Variants in BTD observed in about 807,000 individuals in gnomAD.
BTD encodes the protein biocytinase.
In BTD, 13 loss-of-function variants were observed where a neutral mutation model predicts 17.7. That is an observed-to-expected ratio of 0.74 (90% CI 0.48 to 1.17). The LOEUF (loss-of-function observed/expected upper bound fraction) is 1.17. Among genes scored for constraint, BTD ranks in the 50% most tolerant of loss-of-function variants. The probability of loss-of-function intolerance (pLI) is 0.00; values close to 1 mark genes in which losing one functional copy is unlikely to be tolerated. For missense variants in BTD, 674 were observed against 650.4 expected, an observed-to-expected ratio of 1.04 and a Z score of -0.39; for synonymous variants, 240 against 245.2, an observed-to-expected ratio of 0.98 and a Z score of 0.20.
chr3:15,702,341 T>C (rs1255612102), intron 3 of BTD, among the ~76,000 whole-genome samples: 2 of 152,136 alleles, frequency 1.3e-5, no homozygotes, highest in Non-Finnish European at 2.9e-5. Context: ...AATGTGAACT[T>C]CATTAGAGGG....
In BTD at chr3:15,646,748, T is replaced by A. The variant is rs900969469; in HGVS notation, c.*1260T>A. 1 of 152,230 alleles carries A rather than the reference T, an allele frequency of 6.6e-6. No individual in the cohort carries two copies. The highest frequency in any genetic ancestry group is 1.5e-5 in the Non-Finnish European group (1 of 68,036). The allele number at this position is 152,230 out of a possible 1,614,324, so 9.4% of individuals were successfully genotyped here. ...CATTTAGTTTGAACTCCTTTTTAGT[T>A]ATTTTAAACAGTATATGCTTAAACA... On this transcript the variant is annotated 3_prime_UTR_variant, in exon 4 of 4. Transcript: ENST00000643237.
Position 15,635,697 on chromosome 3 carries a change from G to T in BTD, c.249+9G>T. The T allele has an allele frequency of 6.2e-7, 1 of 1,614,008 alleles. No individual in the cohort carries two copies. Among genetic ancestry groups the T allele is most frequent in the Non-Finnish European group, 8.5e-7 (1 of 1,179,950 alleles). On this transcript the variant is annotated intron_variant, in intron 2 of 3. Coordinates refer to ENST00000643237, the MANE Select transcript of BTD (RefSeq NM_001370658.1). The surrounding 1 kb of genome is among the most constrained non-coding windows in gnomAD (Gnocchi z 4.1). The stretch of plus-strand genomic sequence containing the variant: ...TGACTGCAGCCCAAAAGGCAAGAAT[G>T]CTCCTCGGAACCTGAGTTTCTCTCA...
rs1479751558 is a variant in BTD, at chr3:15,651,812, C to T, written c.*6324C>T. Reference sequence around the variant, plus strand: ...GGCATGGTTCTTCCAGAACATTCTGCAAGCTCATGGACCAGTTCATTTGAG... The same window carrying T: ...GGCATGGTTCTTCCAGAACATTCTGTAAGCTCATGGACCAGTTCATTTGAG... On this transcript the variant is annotated 3_prime_UTR_variant, in exon 4 of 4. Coordinates refer to ENST00000643237, the MANE Select transcript of BTD (RefSeq NM_001370658.1). Among the ~76,000 whole-genome samples, 1 of 152,148 alleles carries T rather than the reference C, an allele frequency of 6.6e-6. No homozygotes were observed. The highest frequency in any genetic ancestry group is 1.5e-5 in the Non-Finnish European group (1 of 68,026).
intron 3 of BTD, among the ~76,000 whole-genome samples, chr3:15,705,668 T>C (rs1390967716): frequency 6.6e-6 from 1 of 152,224 alleles, no homozygotes; most frequent in Non-Finnish European, 1.5e-5. Flanking sequence ...ACATACTTTA[T>C]ATTCTTGCAA....
intron 1 of BTD, chr3:15,630,089 C>G (rs2065168545): frequency 3.0e-6 from 3 of 985,278 alleles, no homozygotes; most frequent in Non-Finnish European, 3.6e-6. Context: ...GAAATTGCAA[C>G]AAATTCAAAA....
chr3:15,608,552 G>A lies in BTD; in HGVS notation c.-17+6658G>A, dbSNP rs536346602. On this transcript the variant is annotated intron_variant, in intron 1 of 3. Transcript: ENST00000643237. ...GGAGGCCAAGGCAGGCGGATCACGA[G>A]GTCAGTAGATTGACACCATCCTGGC... is the stretch of plus-strand genomic sequence containing the variant. Among the ~76,000 whole-genome samples, 23 of 152,210 alleles carry A rather than the reference G, an allele frequency of 1.5e-4. No individual in the cohort carries two copies. In the South Asian group the frequency reaches 3.7e-3, roughly 25 times the overall value.
Position 15,702,168 on chromosome 3 carries a change from T to C in BTD, c.400-7892T>C, listed in dbSNP as rs2125967508. On this transcript the variant is annotated intron_variant, in intron 3 of 3. Coordinates refer to the BTD transcript ENST00000672141. ...GTTAAATGACTTTTCCCAAATCCTT[T>C]TGGCTAGAATATGGCAAACCAAGGA... Among the ~76,000 whole-genome samples, 4 of 152,354 alleles carry C rather than the reference T, an allele frequency of 2.6e-5. No individual in the cohort carries two copies. The South Asian group carries it at 8.3e-4, about 32-fold the overall frequency.
At chr3:15,670,790 G>C (rs1483608357) in intron 3 of BTD, among the ~76,000 whole-genome samples, 1 of 152,222 alleles carries the variant, frequency 6.6e-6, no homozygotes, top group Non-Finnish European at 1.5e-5. Context: ...AGCAGGCCCA[G>C]AGAAGAATGA....
chr3:15,616,051 C>T (rs893914604), intron 1 of BTD, among the ~76,000 whole-genome samples: 9 of 152,168 alleles, frequency 5.9e-5, no homozygotes, highest in Non-Finnish European at 1.0e-4. Context: ...CATTCACCTA[C>T]TGAAGAATAT....
downstream of BTD, among the ~76,000 whole-genome samples, chr3:15,656,421 G>A (rs956619064): frequency 1.3e-5 from 2 of 152,136 alleles, no homozygotes; most frequent in Non-Finnish European, 2.9e-5. Flanking sequence ...CTCAGATTGC[G>A]CAGTCTGACC....
At chr3:15,637,082 G>A (rs142591062) in intron 2 of BTD, among the ~76,000 whole-genome samples, 37 of 152,204 alleles carry the variant, frequency 2.4e-4, no homozygotes, top group African/African-American at 8.7e-4. Flanking sequence ...GAGCAGGACC[G>A]TGTCCCTTAT....
chr3:15,630,649 T>C (rs2065182815), intron 1 of BTD, among the ~76,000 whole-genome samples: 1 of 152,226 alleles, frequency 6.6e-6, no homozygotes, highest in African/African-American at 2.4e-5. Context: ...GTTACACTTC[T>C]GTATATCATT....
At chr3:15,713,788 G>T (rs1205931561), downstream of BTD, 1 of 472,494 alleles carries the variant, frequency 2.1e-6, no homozygotes, top group Non-Finnish European at 3.7e-6. Flanking sequence ...TCATTTATTG[G>T]GCCAGGCAAT....
In BTD at chr3:15,665,294, T is replaced by C. The variant is rs563698020; in HGVS notation, c.399+23237T>C. 5.3e-4 allele frequency among the ~76,000 whole-genome samples: 81 copies of C among 152,344 alleles called. 2 individuals are homozygous for C. The South Asian group carries it at 0.016, about 31-fold the overall frequency. On this transcript the variant is annotated intron_variant, in intron 3 of 3. Transcript: ENST00000672141. ...AAAGTAGTCACTAGCCAAGCTTTCC[T>C]ATCTTCTTTCAGATTAGGTTGTGCT...
intron 3 of BTD, among the ~76,000 whole-genome samples, chr3:15,693,393 C>A (rs1392805436): frequency 7.1e-6 from 1 of 140,604 alleles, no homozygotes; most frequent in Admixed American, 7.5e-5. Flanking sequence ...AACTTGCAAG[C>A]ACAAAAAGAG....
At chr3:15,629,253 G>T (rs1195099867) in intron 1 of BTD, among the ~76,000 whole-genome samples, 2 of 152,108 alleles carry the variant, frequency 1.3e-5, no homozygotes, top group African/African-American at 4.8e-5. Context: ...TACTCAATTG[G>T]TTCTCCAAGT....
chr3:15,700,730 C>T lies in BTD; in HGVS notation c.400-9330C>T, dbSNP rs144487002. On this transcript the variant is annotated intron_variant, in intron 3 of 3. Coordinates refer to the BTD transcript ENST00000672141. ...CGGAGGTTGCAGTGAGCAGAGATCG[C>T]GCCACTGCACTCCAGCCTGGCGACA... Among the ~76,000 whole-genome samples, 106 of 152,150 alleles carry T rather than the reference C, an allele frequency of 7.0e-4. No individual in the cohort carries two copies. The East Asian group carries it at 0.019, about 27-fold the overall frequency.
Position 15,635,775 on chromosome 3 carries a change from T to C in BTD, c.249+87T>C. Reference sequence around the variant, plus strand: ...GATCAGTGGTTGGGTAATCCCAGGCTTCCTACCACCCTCTGAAAAAGCATC... The same window carrying C: ...GATCAGTGGTTGGGTAATCCCAGGCCTCCTACCACCCTCTGAAAAAGCATC... On this transcript the variant is annotated intron_variant, in intron 2 of 3. Transcript: ENST00000643237. This position sits in a 1 kb window ranked among gnomAD's most constrained non-coding sequence, Gnocchi z 4.1. 6.3e-7 allele frequency: 1 copy of C among 1,584,258 alleles called. No homozygotes were observed. Among genetic ancestry groups the C allele is most frequent in the East Asian group, 2.2e-5 (1 of 44,736 alleles).
intron 3 of BTD, among the ~76,000 whole-genome samples, chr3:15,681,041 G>T (rs1460225535): frequency 2.0e-5 from 3 of 152,164 alleles, no homozygotes; most frequent in Non-Finnish European, 4.4e-5. Context: ...TAAAGGAGAA[G>T]TATCCAGCCT....
Sources: gnomAD v4.1 joint callset for allele counts (sites outside exome capture counted in the v4.1 genomes callset) on GRCh38, gnomAD v4.1.1 for gene constraint, Gnocchi (gnomAD v3.1) non-coding constraint, MANE v1.5 for transcripts, NCBI Gene and HGNC (gene_info 2026-07-23, HGNC 2026-07-21) for gene names.